Variants in NAA15 observed in about 807,000 individuals in gnomAD.
NAA15 encodes the protein N-alpha-acetyltransferase 15, NatA auxiliary subunit.
Under a neutral mutation model 114.0 loss-of-function variants are expected in NAA15, and 34 were observed. The observed-to-expected ratio is 0.30, with a 90% confidence interval of 0.23 to 0.40. NAA15 has a LOEUF of 0.40. NAA15 is among the 10% of genes least tolerant of loss of function. NAA15 has a pLI of 1.00. For synonymous variants in NAA15, 340 were observed against 338.0 expected (o/e 1.01, Z -0.06); for missense variants, 658 against 1,004.5 (o/e 0.66, Z 4.66).
chr4:139,369,583 C>G (rs1002770691), intron 14 of NAA15, among the ~76,000 whole-genome samples: 1 of 151,752 alleles, frequency 6.6e-6, no homozygotes, highest in Non-Finnish European at 1.5e-5. Flanking sequence ...ACTAAAAATA[C>G]AAAAATCAGC....
At chr4:139,324,402 CA>C (rs979514821) in intron 1 of NAA15, among the ~76,000 whole-genome samples, 1 of 152,164 alleles carries the variant, frequency 6.6e-6, no homozygotes, top group Non-Finnish European at 1.5e-5. Context: ...TCCTTATTCA[CA>C]GTTTTGAAAT....
At position 139,388,286 on chromosome 4, in the gene NAA15, TAA is replaced by T. The variant is rs1043664004; in HGVS notation, c.*207_*208del. On this transcript the variant is annotated 3_prime_UTR_variant, in exon 20 of 20. Coordinates refer to ENST00000296543, the MANE Select transcript of NAA15 (RefSeq NM_057175.5). ...ATTACAGGATAGAGGTTCAGTTTCT[TAA>T]AAAATTAAAGCTGCTAAAATTGAGT... 2 of 395,168 alleles carry T rather than the reference TAA, an allele frequency of 5.1e-6. No homozygotes were observed. Among genetic ancestry groups the T allele is most frequent in the Non-Finnish European group, 8.9e-6 (2 of 224,500 alleles). The allele number at this position is 395,168 out of a possible 1,614,324, so 24.5% of individuals were successfully genotyped here.
chr4:139,373,162 G>A (rs1485041903), intron 15 of NAA15, among the ~76,000 whole-genome samples: 7 of 152,142 alleles, frequency 4.6e-5, no homozygotes, highest in Admixed American at 4.6e-4. Context: ...GATTACAGGT[G>A]TGAGCTACCA....
At chr4:139,313,167 G>T (rs1177524045) in intron 1 of NAA15, among the ~76,000 whole-genome samples, 2 of 151,896 alleles carry the variant, frequency 1.3e-5, no homozygotes, top group African/African-American at 4.8e-5. Flanking sequence ...TTTAAAAACA[G>T]TAGACCTAGG....
intron 6 of NAA15, among the ~76,000 whole-genome samples, 153 bp from the exon 7 acceptor site, chr4:139,349,309 G>T (rs554122540): frequency 2.6e-5 from 4 of 152,158 alleles, no homozygotes; most frequent in Non-Finnish European, 5.9e-5. Context: ...ACATAACTTG[G>T]TAAATGATCT....
chr4:139,361,677 A>T (rs1748135834), intron 13 of NAA15, 47 bp from the exon 14 acceptor site: 7 of 1,166,832 alleles, frequency 6.0e-6, no homozygotes, highest in Admixed American at 2.5e-5. Context: ...TAGTTTTCTT[A>T]GCCATTGCTG....
At chr4:139,315,678 A>T (rs1746387892) in intron 1 of NAA15, among the ~76,000 whole-genome samples, 2 of 151,856 alleles carry the variant, frequency 1.3e-5, no homozygotes, top group South Asian at 4.1e-4. Flanking sequence ...TCTTTTGTAG[A>T]TGTAGTCTAT....
In NAA15 at chr4:139,361,714, AT is replaced by A; in HGVS notation, c.1540-6del. ...ACTTCGGTATAATAATAAAAAGATA[AT>A]TTTGTTAGCATTTTATAGAAATCAC... On this transcript the variant is annotated splice_polypyrimidine_tract_variant and intron_variant, in intron 13 of 19. Coordinates refer to ENST00000296543, the MANE Select transcript of NAA15 (RefSeq NM_057175.5). 1 of 1,520,562 alleles carries A rather than the reference AT, an allele frequency of 6.6e-7. No homozygotes were observed. The highest frequency in any genetic ancestry group is 1.4e-5 in the African/African-American group (1 of 72,652). The allele number at this position is 1,520,562 out of a possible 1,614,324, so 94.2% of individuals were successfully genotyped here.
intron 1 of NAA15, among the ~76,000 whole-genome samples, chr4:139,311,337 G>T (rs1170722988): frequency 1.3e-5 from 2 of 151,136 alleles, no homozygotes; most frequent in Admixed American, 1.3e-4. Context: ...TTTGTTATGT[G>T]AAGTGAGTGT....
intron 17 of NAA15, among the ~76,000 whole-genome samples, chr4:139,382,033 C>G (rs943514515): frequency 6.6e-6 from 1 of 152,000 alleles, no homozygotes; most frequent in Non-Finnish European, 1.5e-5. Context: ...TCAGTTTTAC[C>G]ACATTCAAAG....
intron 2 of NAA15, among the ~76,000 whole-genome samples, chr4:139,335,698 C>T (rs917746289): frequency 6.6e-5 from 10 of 152,028 alleles, no homozygotes; most frequent in African/African-American, 1.9e-4. Flanking sequence ...TCTCCAACTC[C>T]CTGCCCTGCC....
chr4:139,335,586 A>G (rs192381199), intron 2 of NAA15, among the ~76,000 whole-genome samples: 1,798 of 151,334 alleles, frequency 0.012, 12 homozygotes, highest in East Asian at 0.03. Context: ...GGCTGGTCTC[A>G]AACTCCTGAC....
chr4:139,315,351 G>C (rs10212989), intron 1 of NAA15, among the ~76,000 whole-genome samples: 80,712 of 151,486 alleles, frequency 0.53, 24,145 homozygotes, highest in African/African-American at 0.81. Context: ...AAAACCCTAT[G>C]TGTACAAAAA....
intron 1 of NAA15, among the ~76,000 whole-genome samples, chr4:139,328,553 TTTTTCTTTTTCTTTC>T (rs1390770901): frequency 6.7e-6 from 1 of 149,270 alleles, no homozygotes; most frequent in Non-Finnish European, 1.5e-5. Context: ...TTTCCTTTTC[TTTTTCTTTTTCTTTC>T]TTTTCTTTTT....
intron 15 of NAA15, among the ~76,000 whole-genome samples, chr4:139,371,311 G>A (rs1167757125): frequency 2.0e-5 from 3 of 151,860 alleles, no homozygotes; most frequent in Non-Finnish European, 1.5e-5. Context: ...ATATTGCTAT[G>A]AGAAATATAG....
At chr4:139,357,032 C>T (rs1325791066) in intron 10 of NAA15, among the ~76,000 whole-genome samples, 2 of 149,862 alleles carry the variant, frequency 1.3e-5, no homozygotes, top group Non-Finnish European at 3.0e-5. Context: ...TTTTTAATTT[C>T]TTCCCCCTTT....
At chr4:139,304,932 G>C (rs1269643815) in intron 1 of NAA15, among the ~76,000 whole-genome samples, 3 of 152,150 alleles carry the variant, frequency 2.0e-5, no homozygotes, top group Admixed American at 6.5e-5. Flanking sequence ...TTTAGAGATA[G>C]AGTCTTCCTC....
intron 15 of NAA15, 143 bp downstream of exon 15, chr4:139,370,547 T>C: frequency 1.4e-6 from 1 of 697,794 alleles, no homozygotes; most frequent in Non-Finnish European, 2.1e-6. Flanking sequence ...TAGTATTCTT[T>C]CTTTAATATT....
At chr4:139,324,933 T>C (rs1746743602) in intron 1 of NAA15, among the ~76,000 whole-genome samples, 1 of 152,170 alleles carries the variant, frequency 6.6e-6, no homozygotes. Flanking sequence ...TGAATTATTT[T>C]TACAGCTCAC....
Sources: allele counts gnomAD v4.1 joint callset (sites outside exome capture counted in the v4.1 genomes callset), GRCh38; gene constraint gnomAD v4.1.1; transcripts MANE v1.5; gene names NCBI Gene and HGNC (gene_info 2026-07-23, HGNC 2026-07-21).